VWDE: variants seen among roughly 807,000 people sequenced by gnomAD.
VWDE encodes the protein von Willebrand factor D and EGF domain-containing protein.
In VWDE, 207 loss-of-function variants were observed where a neutral mutation model predicts 178.4. That is an observed-to-expected ratio of 1.16 (90% CI 1.04 to 1.30). The LOEUF (loss-of-function observed/expected upper bound fraction) is 1.30, where lower values mean the gene tolerates loss of function less well. Among genes scored for constraint, VWDE ranks in the 50% most tolerant of loss-of-function variants. VWDE has a pLI of 0.00. For missense variants in VWDE, 2,287 were observed against 1,901.3 expected, an observed-to-expected ratio of 1.20 and a Z score of -3.77; for synonymous variants, 738 against 651.4, an observed-to-expected ratio of 1.13 and a Z score of -2.02.
intron 16 of VWDE, among the ~76,000 whole-genome samples, chr7:12,358,497 C>G (rs1461191077): frequency 6.6e-6 from 1 of 152,128 alleles, no homozygotes; most frequent in Non-Finnish European, 1.5e-5. Context: ...TTCCAGCCCA[C>G]TGGCTTAACA....
rs2128555431 is a variant in VWDE at position 12,369,874 on chromosome 7, T to C, written c.2432A>G (p.Gln811Arg). The change falls in exon 12 of 29, where the codon CAG becomes CGG. Residue 811 changes from glutamine (Q) to arginine (R), a missense_variant. By Grantham distance (43) the Gln-to-Arg change is conservative. Coordinates refer to ENST00000275358, the MANE Select transcript of VWDE (RefSeq NM_001135924.3). ...TATGCTGGAGTTGGCTAGAGTCTCC[T>C]GACAGAGGGTCAAGGTGCTATACTC... ...LTEYSTLTLCQETLANSSIGR... is the reference protein window; with the variant it reads ...LTEYSTLTLCRETLANSSIGR... 6.4e-7 allele frequency: 1 copy of C among 1,551,464 alleles called. No individual in the cohort carries two copies. The highest frequency in any genetic ancestry group is 2.4e-5 in the East Asian group (1 of 40,898).
chr7:12,356,055 G>A, intron 18 of VWDE, 56 bp downstream of exon 18: 1 of 1,374,566 alleles, frequency 7.3e-7, no homozygotes, highest in Non-Finnish European at 1.0e-6. Context: ...GTAATCTGTA[G>A]ATATGTGTTT....
At position 12,370,116 on chromosome 7, in the gene VWDE, T is replaced by C. The variant is rs1387758035; in HGVS notation, c.2190A>G (p.Lys730=). The change falls in exon 12 of 29, where the codon AAA becomes AAG. Residue 730 remains lysine, a synonymous_variant. Coordinates refer to ENST00000275358, the MANE Select transcript of VWDE (RefSeq NM_001135924.3). The part of the protein sequence containing the change: ...EDSLQYLANK[K]YTQGRGSHSQ... ...TGTGGCTTCCCCGGCCTTGTGTATA[T>C]TTCTTATTGGCCAAATATTGTAGTG... is the stretch of plus-strand genomic sequence containing the variant. 5 of 1,551,456 alleles carry C rather than the reference T, an allele frequency of 3.2e-6. No individual in the cohort carries two copies. The highest frequency in any genetic ancestry group is 4.4e-6 in the Non-Finnish European group (5 of 1,146,902).
At chr7:12,365,618 G>T (rs1339255196) in intron 13 of VWDE, among the ~76,000 whole-genome samples, 2 of 151,990 alleles carry the variant, frequency 1.3e-5, no homozygotes, top group Admixed American at 6.6e-5. Context: ...TAGTGGCAGG[G>T]CGAGCACATT....
intron 13 of VWDE, among the ~76,000 whole-genome samples, chr7:12,365,175 T>C (rs1782793381): frequency 6.6e-6 from 1 of 152,048 alleles, no homozygotes; most frequent in Admixed American, 6.6e-5. Flanking sequence ...CAGTATAAAA[T>C]CTTAAATTAG....
At chr7:12,352,890 TG>T (rs1782022973) in intron 18 of VWDE, among the ~76,000 whole-genome samples, 1 of 152,244 alleles carries the variant, frequency 6.6e-6, no homozygotes, top group South Asian at 2.1e-4. Context: ...CAATTTTTTT[TG>T]TCCATTTTCC....
chr7:12,366,526 T>C (rs373778790), intron 13 of VWDE, among the ~76,000 whole-genome samples: 1 of 152,144 alleles, frequency 6.6e-6, no homozygotes, highest in African/African-American at 2.4e-5. Flanking sequence ...TATTACTTCA[T>C]TGGGATTAAA....
intron 27 of VWDE, among the ~76,000 whole-genome samples, 169 bp downstream of exon 27, chr7:12,335,972 G>C (rs1407507300): frequency 6.6e-6 from 1 of 151,842 alleles, no homozygotes; most frequent in Non-Finnish European, 1.5e-5. Flanking sequence ...TCTTTTAAAT[G>C]GATATAAAAT....
chr7:12,349,433 CTA>C (rs1443938764), intron 19 of VWDE, among the ~76,000 whole-genome samples: 4 of 150,614 alleles, frequency 2.7e-5, no homozygotes, highest in Non-Finnish European at 5.9e-5. Context: ...CTAAAAGAGA[CTA>C]TGAGTTCATA....
intron 16 of VWDE, among the ~76,000 whole-genome samples, chr7:12,357,992 C>T (rs891039853): frequency 2.0e-5 from 3 of 152,130 alleles, no homozygotes; most frequent in Non-Finnish European, 4.4e-5. Flanking sequence ...CTGTACTTGC[C>T]TCCCCAGCTA....
chr7:12,374,833 G>C lies in VWDE; in HGVS notation c.1243-71C>G, dbSNP rs917515911. ...TTAGTGATATATAAAAAATTGCTTA[G>C]CAATCTCAACAAACTTTCAATTAAT... On this transcript the variant is annotated intron_variant, in intron 8 of 28. Transcript: ENST00000275358. The C allele has an allele frequency of 4.8e-5, 56 of 1,164,270 alleles. 1 individual carries two copies. The highest frequency in any genetic ancestry group is 4.9e-4 in the Middle Eastern group (2 of 4,072). The allele number at this position is 1,164,270 out of a possible 1,614,324, so 72.1% of individuals were successfully genotyped here. A position where few individuals can be genotyped will look rare whatever the true frequency, so the allele number is the denominator to read the frequency against.
chr7:12,392,323 C>G (rs1049172069), intron 2 of VWDE, among the ~76,000 whole-genome samples: 2 of 152,184 alleles, frequency 1.3e-5, no homozygotes, highest in Admixed American at 6.6e-5. Context: ...CCATTTTGAT[C>G]ATATAACTTA....
chr7:12,389,242 G>A lies in VWDE; in HGVS notation c.360C>T (p.Phe120=), dbSNP rs1784256939. The A allele has an allele frequency of 1.9e-6, 3 of 1,551,594 alleles. No homozygotes were observed. Among genetic ancestry groups the A allele is most frequent in the Non-Finnish European group, 1.7e-6 (2 of 1,146,946 alleles). ...LTACATWQFL[F]STTKDCCLFQ... is the part of the protein sequence containing the mutation. ...AGAGACAGCAGTCTTTTGTAGTGCT[G>A]AACAAAAACTGCCATGTTGCACAAG... Residue 120 remains phenylalanine, a synonymous_variant, in exon 3 of 29, where the codon TTC becomes TTT. Transcript: ENST00000275358.
intron 7 of VWDE, 49 bp downstream of exon 7, chr7:12,377,727 A>G (rs1783614908): frequency 8.2e-7 from 1 of 1,225,484 alleles, no homozygotes; most frequent in Non-Finnish European, 1.1e-6. Flanking sequence ...AAAAAAAAGC[A>G]TTATTGTTTG....
intron 5 of VWDE, among the ~76,000 whole-genome samples, chr7:12,380,246 A>T (rs1333946019): frequency 3.3e-5 from 5 of 151,376 alleles, no homozygotes; most frequent in African/African-American, 1.2e-4. Flanking sequence ...TATATATAAA[A>T]AAGGATTAAT....
chr7:12,371,364 G>A (rs755968809), intron 10 of VWDE, among the ~76,000 whole-genome samples: 10 of 152,092 alleles, frequency 6.6e-5, no homozygotes, highest in Non-Finnish European at 1.5e-4. Flanking sequence ...AGCTTGGGGA[G>A]TTGGCAATCT....
At chr7:12,361,085 A>G in intron 15 of VWDE, 62 bp downstream of exon 15, 1 of 1,052,032 alleles carries the variant, frequency 9.5e-7, no homozygotes, top group Non-Finnish European at 1.4e-6. Context: ...TAATGTGCCC[A>G]CAGCATAGGA....
intron 12 of VWDE, among the ~76,000 whole-genome samples, chr7:12,367,994 G>A (rs1782956196): frequency 2.6e-5 from 4 of 151,882 alleles, no homozygotes; most frequent in East Asian, 1.9e-4. Context: ...CCTAACTACT[G>A]GGAAAACCTA....
At chr7:12,379,672 A>G (rs1783732341) in intron 5 of VWDE, 106 bp from the exon 6 acceptor site, 13 of 635,524 alleles carry the variant, frequency 2.0e-5, no homozygotes, top group Non-Finnish European at 2.5e-6. Flanking sequence ...GATAGTATAT[A>G]AAGATAATAA....
Sources: allele counts gnomAD v4.1 joint callset (sites outside exome capture counted in the v4.1 genomes callset), GRCh38; gene constraint gnomAD v4.1.1; transcripts MANE v1.5; gene names NCBI Gene and HGNC (gene_info 2026-07-23, HGNC 2026-07-21).